AUTS2: variants seen among roughly 807,000 people sequenced by gnomAD.
AUTS2 encodes the protein activator of transcription and developmental regulator AUTS2, also known as autism susceptibility gene 2 protein.
AUTS2 carries 17 observed loss-of-function variants against 112.4 expected under a neutral mutation model. The observed-to-expected ratio is 0.15, with a 90% CI of 0.10 to 0.23. The LOEUF is 0.23. Ranked by LOEUF, AUTS2 falls within the 10% of genes least tolerant of loss-of-function variation. The pLI is 1.00. For synonymous variants in AUTS2, 751 were observed against 702.7 expected (o/e 1.07, Z -1.09); for missense variants, 1,510 against 1,701.6 (o/e 0.89, Z 1.98).
At chr7:69,774,151 G>T (rs745849767) in intron 1 of AUTS2, among the ~76,000 whole-genome samples, 1 of 152,212 alleles carries the variant, frequency 6.6e-6, no homozygotes, top group Non-Finnish European at 1.5e-5. Flanking sequence ...AGTGGCTCAA[G>T]CCTATAATCC....
At chr7:70,550,855 C>G (rs912583518) in intron 5 of AUTS2, among the ~76,000 whole-genome samples, 3 of 152,172 alleles carry the variant, frequency 2.0e-5, no homozygotes, top group Admixed American at 2.0e-4. Flanking sequence ...AACAAGCACA[C>G]CTTCATCTAG....
intron 1 of AUTS2, among the ~76,000 whole-genome samples, chr7:69,687,827 A>C (rs990316374): frequency 6.6e-6 from 1 of 152,054 alleles, no homozygotes; most frequent in African/African-American, 2.4e-5. Flanking sequence ...TGTGTGAATA[A>C]TTTTTTTCCT....
intron 1 of AUTS2, among the ~76,000 whole-genome samples, chr7:69,647,483 T>C (rs1795077593): frequency 1.3e-5 from 2 of 152,096 alleles, no homozygotes; most frequent in South Asian, 4.1e-4. Context: ...CCTTCCTGAG[T>C]AGCTGGGACT....
chr7:70,516,061 G>C (rs763299551), intron 5 of AUTS2, among the ~76,000 whole-genome samples: 2 of 152,118 alleles, frequency 1.3e-5, no homozygotes, highest in Non-Finnish European at 2.9e-5. Flanking sequence ...ATTCATTACT[G>C]TGTGTTACTT....
At chr7:70,091,209 A>G (rs996462853) in intron 2 of AUTS2, among the ~76,000 whole-genome samples, 14 of 152,130 alleles carry the variant, frequency 9.2e-5, no homozygotes, top group Non-Finnish European at 1.5e-4. Context: ...TAACCTCTGT[A>G]TATAACCTGT....
At chr7:70,273,315 T>C (rs1787778664) in intron 4 of AUTS2, among the ~76,000 whole-genome samples, 1 of 152,194 alleles carries the variant, frequency 6.6e-6, no homozygotes, top group Non-Finnish European at 1.5e-5. Flanking sequence ...GCCTGGCCTG[T>C]GTCTGATTTA....
At chr7:69,718,308 C>A (rs1308923587) in intron 1 of AUTS2, among the ~76,000 whole-genome samples, 1 of 152,174 alleles carries the variant, frequency 6.6e-6, no homozygotes, top group African/African-American at 2.4e-5. Context: ...ACAACACAAA[C>A]TTTTATCTTA....
At chr7:69,972,029 T>C (rs187640162) in intron 2 of AUTS2, among the ~76,000 whole-genome samples, 1 of 152,334 alleles carries the variant, frequency 6.6e-6, no homozygotes, top group Admixed American at 6.5e-5. Context: ...CTGACTCTAC[T>C]ATTGCATATT....
Position 70,280,450 on chromosome 7 carries a change from A to ATT in AUTS2, c.660+145897_660+145898dup, listed in dbSNP as rs35280015. ...AGGTGCCCGCCACCATGCCCGGCTG[A>ATT]TTTTTTTTTTTTTTTTTTTGTATTT... On this transcript the variant is annotated intron_variant, in intron 4 of 18. Coordinates refer to ENST00000342771, the MANE Select transcript of AUTS2 (RefSeq NM_015570.4). Among the ~76,000 whole-genome samples the ATT allele has an allele frequency of 6.3e-3, 763 of 121,840 alleles. 3 individuals carry two copies. The highest frequency in any genetic ancestry group is 0.013 in the Middle Eastern group (3 of 234). 79.9% of individuals were successfully genotyped at this position (121,840 alleles called of 152,430 possible).
At chr7:70,496,566 C>CT (rs1798525911) in intron 5 of AUTS2, among the ~76,000 whole-genome samples, 1 of 137,108 alleles carries the variant, frequency 7.3e-6, no homozygotes, top group African/African-American at 2.8e-5. Flanking sequence ...ACACACACAC[C>CT]CCACACATGC....
At chr7:69,714,751 C>T (rs1255546401) in intron 1 of AUTS2, among the ~76,000 whole-genome samples, 1 of 152,102 alleles carries the variant, frequency 6.6e-6, no homozygotes, top group Non-Finnish European at 1.5e-5. Flanking sequence ...AAATGTCCTT[C>T]TGGGATCCTG....
At chr7:70,180,804 G>C (rs1809257172) in intron 4 of AUTS2, among the ~76,000 whole-genome samples, 1 of 152,072 alleles carries the variant, frequency 6.6e-6, no homozygotes, top group African/African-American at 2.4e-5. Context: ...TACTTTAGTG[G>C]TTATTATCTT....
chr7:70,274,659 C>G (rs74367524), intron 4 of AUTS2, among the ~76,000 whole-genome samples: 73 of 152,180 alleles, frequency 4.8e-4, no homozygotes, highest in African/African-American at 1.7e-3. Flanking sequence ...TTGATATGCT[C>G]AAGCTTAAGG....
chr7:70,191,279 C>A (rs1413147795), intron 4 of AUTS2, among the ~76,000 whole-genome samples: 2 of 151,358 alleles, frequency 1.3e-5, no homozygotes, highest in Non-Finnish European at 2.9e-5. Flanking sequence ...ACCATTCTCC[C>A]ACCTCAGCCT....
chr7:69,989,456 TCAGA>T (rs1408602981), intron 2 of AUTS2, among the ~76,000 whole-genome samples: 2 of 152,140 alleles, frequency 1.3e-5, no homozygotes, highest in Non-Finnish European at 2.9e-5. Context: ...CTATTAGAGA[TCAGA>T]CAATTTCTAG....
intron 2 of AUTS2, among the ~76,000 whole-genome samples, chr7:70,065,371 C>T (rs1252917557): frequency 6.6e-6 from 1 of 152,126 alleles, no homozygotes; most frequent in Non-Finnish European, 1.5e-5. Context: ...TAGATACTTT[C>T]CTGAATTGTT....
chr7:70,699,494 T>C (rs1210352293), intron 6 of AUTS2: 1 of 152,222 alleles, frequency 6.6e-6, no homozygotes, highest in Non-Finnish European at 1.5e-5. Context: ...TTCAGCCTTC[T>C]GTAGTTGCCT....
intron 4 of AUTS2, among the ~76,000 whole-genome samples, chr7:70,315,497 CTG>C (rs1291408941): frequency 6.6e-6 from 1 of 152,184 alleles, no homozygotes; most frequent in Non-Finnish European, 1.5e-5. Flanking sequence ...TGCCCCTGGC[CTG>C]TCTTTCCCCT....
intron 4 of AUTS2, among the ~76,000 whole-genome samples, chr7:70,225,354 A>G (rs911594578): frequency 6.6e-6 from 1 of 152,242 alleles, no homozygotes; most frequent in African/African-American, 2.4e-5. Context: ...CTTCAGAGCT[A>G]TAAGGTTCCT....
Sources: gnomAD v4.1 joint callset for allele counts (sites outside exome capture counted in the v4.1 genomes callset) on GRCh38, gnomAD v4.1.1 for gene constraint, MANE v1.5 for transcripts, NCBI Gene and HGNC (gene_info 2026-07-23, HGNC 2026-07-21) for gene names.